The following PLD5 variants were observed in gnomAD, a reference collection of about 807,000 sequenced individuals.
PLD5 encodes the protein inactive phospholipase D5.
In PLD5, 36 loss-of-function variants were observed where a neutral mutation model predicts 61.1. The ratio of observed to expected loss-of-function variants is 0.59; its 90% CI spans 0.45 to 0.78. PLD5 has a LOEUF of 0.78. Ranked by LOEUF, PLD5 falls within the 30% of genes least tolerant of loss-of-function variation. The pLI is 0.00. For missense variants in PLD5, 515 were observed against 644.4 expected (o/e 0.80, Z 2.17); for synonymous variants, 243 against 242.8 (o/e 1.00, Z -0.01).
At chr1:242,232,170 A>T (rs868605511) in intron 4 of PLD5, among the ~76,000 whole-genome samples, 1 of 152,164 alleles carries the variant, frequency 6.6e-6, no homozygotes, top group Admixed American at 6.5e-5. Context: ...CCACACACAT[A>T]TCATAATATA....
intron 2 of PLD5, chr1:242,345,667 T>TAA: frequency 1.2e-6 from 1 of 800,794 alleles, no homozygotes; most frequent in Non-Finnish European, 2.3e-6. Context: ...AACACTGACC[T>TAA]AAAGCCCACA....
chr1:242,487,785 G>GTGAAATAC (rs1376541391), intron 1 of PLD5, among the ~76,000 whole-genome samples: 1 of 151,228 alleles, frequency 6.6e-6, no homozygotes, highest in Non-Finnish European at 1.5e-5. Context: ...CACATTAGAA[G>GTGAAATAC]ATTTTCAACA....
chr1:242,466,691 G>A (rs1163216016), intron 1 of PLD5, among the ~76,000 whole-genome samples: 1 of 152,050 alleles, frequency 6.6e-6, no homozygotes, highest in East Asian at 1.9e-4. Context: ...TAAGGAGTTC[G>A]AGACCAGCCT....
intron 3 of PLD5, among the ~76,000 whole-genome samples, chr1:242,272,657 C>T (rs1264485477): frequency 1.3e-5 from 2 of 151,944 alleles, no homozygotes; most frequent in African/African-American, 4.8e-5. Context: ...GTCCTTATAC[C>T]AAAGAAGAAA....
chr1:242,226,760 C>G (rs772194925), intron 4 of PLD5, among the ~76,000 whole-genome samples: 22 of 152,146 alleles, frequency 1.4e-4, no homozygotes, highest in Admixed American at 1.4e-3. Flanking sequence ...TTAACAGAGA[C>G]GCTTCATTGA....
intron 2 of PLD5, among the ~76,000 whole-genome samples, chr1:242,338,606 T>C (rs570887128): frequency 2.0e-5 from 3 of 152,382 alleles, no homozygotes; most frequent in Non-Finnish European, 4.4e-5. Context: ...AGAGTGGTAA[T>C]TATAGACCAT....
At chr1:242,239,949 T>G (rs976050221) in intron 4 of PLD5, among the ~76,000 whole-genome samples, 1 of 151,598 alleles carries the variant, frequency 6.6e-6, no homozygotes, top group African/African-American at 2.4e-5. Flanking sequence ...GTTAGCTGCA[T>G]GCAGCTTCTC....
At chr1:242,309,216 G>T (rs1574707840) in intron 2 of PLD5, among the ~76,000 whole-genome samples, 1 of 152,038 alleles carries the variant, frequency 6.6e-6, no homozygotes, top group African/African-American at 2.4e-5. Flanking sequence ...TTCTGTGTTT[G>T]GTCTGGTTGG....
chr1:242,095,042 T>A (rs1660115346), intron 9 of PLD5, among the ~76,000 whole-genome samples: 1 of 151,872 alleles, frequency 6.6e-6, no homozygotes, highest in African/African-American at 2.4e-5. Context: ...GTTCAAGCGA[T>A]CCTCCTGCCT....
chr1:242,394,769 AAT>A lies in PLD5; in HGVS notation c.190-46529_190-46528del, dbSNP rs376039065. Among the ~76,000 whole-genome samples, 4 of 22,402 alleles carry A rather than the reference AAT, an allele frequency of 1.8e-4. 1 individual carries two copies. Among genetic ancestry groups the A allele is most frequent in the Non-Finnish European group, 3.6e-4 (4 of 11,166 alleles). 14.7% of individuals were successfully genotyped at this position (22,402 alleles called of 152,430 possible). On this transcript the variant is annotated intron_variant, in intron 1 of 9. Transcript: ENST00000536534. ...GTGAACATATATGTGTATATATGTG[AAT>A]ATATATGTGTATATATGTGAATATA... is the stretch of plus-strand genomic sequence containing the variant.
chr1:242,321,162 G>A (rs1200627983), intron 2 of PLD5, among the ~76,000 whole-genome samples: 1 of 152,108 alleles, frequency 6.6e-6, no homozygotes, highest in Non-Finnish European at 1.5e-5. Context: ...TGGGGGACTT[G>A]ACACCTACAG....
chr1:242,265,223 A>G (rs1673595655), intron 4 of PLD5, 114 bp downstream of exon 4: 1 of 1,306,550 alleles, frequency 7.7e-7, no homozygotes, highest in East Asian at 2.9e-5. Context: ...TAAATGTACT[A>G]TGTACTAAGT....
intron 1 of PLD5, among the ~76,000 whole-genome samples, chr1:242,453,202 G>C (rs189663727): frequency 6.6e-6 from 1 of 152,208 alleles, no homozygotes; most frequent in African/African-American, 2.4e-5. Context: ...GAGATTGCTT[G>C]CCCTTCCCCC....
At chr1:242,252,456 T>C (rs921857517) in intron 4 of PLD5, among the ~76,000 whole-genome samples, 3 of 152,152 alleles carry the variant, frequency 2.0e-5, no homozygotes, top group Non-Finnish European at 4.4e-5. Context: ...CCCACACCTG[T>C]AATCCCAGCA....
At chr1:242,179,959 T>C (rs1162179131) in intron 5 of PLD5, among the ~76,000 whole-genome samples, 1 of 151,624 alleles carries the variant, frequency 6.6e-6, no homozygotes, top group Non-Finnish European at 1.5e-5. Flanking sequence ...GGGAGGACAG[T>C]TGATGGTTAA....
intron 2 of PLD5, among the ~76,000 whole-genome samples, chr1:242,311,180 T>G (rs1574710910): frequency 2.0e-5 from 3 of 152,322 alleles, no homozygotes; most frequent in African/African-American, 7.2e-5. Context: ...TAGGTAAGAA[T>G]TTTGCTACCA....
chr1:242,360,915 C>T lies in PLD5; in HGVS notation c.190-12673G>A, dbSNP rs116181171. Among the ~76,000 whole-genome samples the T allele has an allele frequency of 3.0e-3, 462 of 152,132 alleles. 3 individuals are homozygous for T. Among genetic ancestry groups the T allele is most frequent in the African/African-American group, 0.011 (441 of 41,530 alleles). On this transcript the variant is annotated intron_variant, in intron 1 of 9. Coordinates refer to ENST00000536534, the MANE Select transcript of PLD5 (RefSeq NM_001372062.1). The stretch of plus-strand genomic sequence containing the variant: ...TAATAATATTCACATTAATCTAGTC[C>T]AGAAGATACTCTAACCAGGAAAATA...
chr1:242,261,912 T>C (rs1324649951), intron 4 of PLD5, among the ~76,000 whole-genome samples: 1 of 152,198 alleles, frequency 6.6e-6, no homozygotes, highest in Non-Finnish European at 1.5e-5. Flanking sequence ...GAAAACTGAC[T>C]GGCCGTATCT....
At chr1:242,331,604 G>A (rs1222208793) in intron 2 of PLD5, among the ~76,000 whole-genome samples, 1 of 152,094 alleles carries the variant, frequency 6.6e-6, no homozygotes, top group Non-Finnish European at 1.5e-5. Flanking sequence ...CCTGAACCTG[G>A]AAAGAGACAC....
Sources: gnomAD v4.1 joint callset for allele counts (sites outside exome capture counted in the v4.1 genomes callset) on GRCh38, gnomAD v4.1.1 for gene constraint, MANE v1.5 for transcripts, NCBI Gene and HGNC (gene_info 2026-07-23, HGNC 2026-07-21) for gene names.